The following PROCR variants were observed in gnomAD, a reference collection of about 807,000 sequenced individuals.
PROCR encodes the protein protein C receptor.
Under a neutral mutation model 24.2 loss-of-function variants are expected in PROCR, and 22 were observed. The observed-to-expected ratio is 0.91, with a 90% CI of 0.65 to 1.30. The LOEUF (loss-of-function observed/expected upper bound fraction) is 1.30. Ranked by LOEUF, PROCR falls within the 50% of genes most tolerant of loss-of-function variation. PROCR has a pLI of 0.00. For missense variants in PROCR, 288 were observed against 307.7 expected, an observed-to-expected ratio of 0.94 and a Z score of 0.48; for synonymous variants, 137 against 139.2, an observed-to-expected ratio of 0.98 and a Z score of 0.11.
At chr20:35,181,474 C>T (rs2086078900), downstream of PROCR, among the ~76,000 whole-genome samples, 2 of 151,962 alleles carry the variant, frequency 1.3e-5, no homozygotes. Flanking sequence ...GGGGTTTCAC[C>T]ATGTTGGTCA....
chr20:35,171,789 C>T (rs1187323244), upstream of PROCR, among the ~76,000 whole-genome samples: 3 of 152,058 alleles, frequency 2.0e-5, no homozygotes, highest in Non-Finnish European at 4.4e-5. Flanking sequence ...AGATGCCCCA[C>T]CCCCTGAGTC....
At chr20:35,213,319 C>G (rs1419992833) in intron 1 of PROCR, among the ~76,000 whole-genome samples, 1 of 150,690 alleles carries the variant, frequency 6.6e-6, no homozygotes, top group Middle Eastern at 3.2e-3. Flanking sequence ...GGTAACGGAG[C>G]GAGACTGTCT....
chr20:35,174,963 C>T lies in PROCR; in HGVS notation c.322+10C>T. ...GAGCGGACCTTGGCCTGTGAGTAGG[C>T]GCGCAGCGGGGGCGGGGTCTGGGCG... On this transcript the variant is annotated intron_variant, in intron 2 of 3. Transcript: ENST00000216968. 7.9e-7 allele frequency: 1 copy of T among 1,261,640 alleles called. No homozygotes were observed. The highest frequency in any genetic ancestry group is 1.0e-6 in the Non-Finnish European group (1 of 970,948). The allele number at this position is 1,261,640 out of a possible 1,614,324, so 78.2% of individuals were successfully genotyped here.
chr20:35,176,053 C>A (rs2086012709), intron 2 of PROCR, 115 bp from the exon 3 acceptor site: 1 of 1,237,028 alleles, frequency 8.1e-7, no homozygotes, highest in African/African-American at 1.5e-5. Context: ...CCTAGACTCC[C>A]CTCTCCTCAC....
intron 1 of PROCR, among the ~76,000 whole-genome samples, chr20:35,203,586 CAGCCTG>C (rs1291306727): frequency 6.7e-6 from 1 of 149,588 alleles, no homozygotes; most frequent in Non-Finnish European, 1.5e-5. Context: ...CACTGCACTC[CAGCCTG>C]GGTAACAGAA....
At chr20:35,173,175 T>C (rs1379112131) in intron 1 of PROCR, among the ~76,000 whole-genome samples, 1 of 152,136 alleles carries the variant, frequency 6.6e-6, no homozygotes, top group African/African-American at 2.4e-5. Context: ...GCATCAACTC[T>C]GTGCCAGCCT....
chr20:35,176,971 G>A lies in PROCR; in HGVS notation c.*158G>A. ...ATCTGCCCACTGAAGATTTGAGGGA[G>A]GGGAGATGGAGAGGAGAGGTGGACA... On this transcript the variant is annotated 3_prime_UTR_variant, in exon 4 of 4. Transcript: ENST00000216968. 5 of 1,496,788 alleles carry A rather than the reference G, an allele frequency of 3.3e-6. No homozygotes were observed. Among genetic ancestry groups the A allele is most frequent in the Non-Finnish European group, 4.5e-6 (5 of 1,121,982 alleles). 92.7% of individuals were successfully genotyped at this position (1,496,788 alleles called of 1,614,324 possible). A position where few individuals can be genotyped will look rare whatever the true frequency, so the allele number is the denominator to read the frequency against.
At chr20:35,208,938 C>G (rs997142608) in intron 1 of PROCR, among the ~76,000 whole-genome samples, 1 of 152,192 alleles carries the variant, frequency 6.6e-6, no homozygotes, top group Non-Finnish European at 1.5e-5. Context: ...CACCACTGCA[C>G]TCCAGCCTGG....
chr20:35,182,842 C>A (rs1413250958), intron 1 of PROCR, among the ~76,000 whole-genome samples: 1 of 151,996 alleles, frequency 6.6e-6, no homozygotes, highest in Non-Finnish European at 1.5e-5. Flanking sequence ...GGCATGGTGG[C>A]ACGTGCCTGT....
chr20:35,197,292 G>A (rs1323022562), intron 1 of PROCR, among the ~76,000 whole-genome samples: 2 of 152,142 alleles, frequency 1.3e-5, no homozygotes, highest in Non-Finnish European at 2.9e-5. Flanking sequence ...CTGATGTGGT[G>A]ATCTGTGATC....
chr20:35,174,799 C>A lies in PROCR; in HGVS notation c.168C>A (p.His56Gln). ...GNASLGGHLT[H>Q]VLEGPDTNTT... ...CGTCGCTGGGGGGACACCTAACGCACGTGCTGGAAGGCCCAGACACCAACA... is the reference window on the plus strand; with the variant it reads ...CGTCGCTGGGGGGACACCTAACGCAAGTGCTGGAAGGCCCAGACACCAACA... Residue 56 changes from histidine to glutamine, a missense_variant, in exon 2 of 4, where the codon CAC (histidine) becomes CAA (glutamine). By Grantham distance (24) the His-to-Gln change is conservative. Transcript: ENST00000216968. 6.2e-7 allele frequency: 1 copy of A among 1,614,066 alleles called. No individual in the cohort carries two copies. Among genetic ancestry groups the A allele is most frequent in the Non-Finnish European group, 8.5e-7 (1 of 1,179,990 alleles).
At chr20:35,212,380 G>A (rs1168552537) in intron 1 of PROCR, among the ~76,000 whole-genome samples, 1 of 152,118 alleles carries the variant, frequency 6.6e-6, no homozygotes, top group Non-Finnish European at 1.5e-5. Flanking sequence ...TTGTTTTAAT[G>A]TTCTGCTGTC....
At chr20:35,172,351 A>G (rs1600731713) in intron 1 of PROCR, 127 bp downstream of exon 1, 1 of 1,196,766 alleles carries the variant, frequency 8.4e-7, no homozygotes, top group East Asian at 2.4e-5. Flanking sequence ...AGATCTCTCT[A>G]CAGGGCAGGC....
intron 1 of PROCR, among the ~76,000 whole-genome samples, chr20:35,212,675 GGTGTTTT>G (rs2060366819): frequency 1.3e-5 from 2 of 152,146 alleles, no homozygotes; most frequent in South Asian, 4.1e-4. Context: ...GGTTGATTTT[GGTGTTTT>G]GTAATTACAA....
intron 2 of PROCR, among the ~76,000 whole-genome samples, chr20:35,175,746 G>T (rs1360427278): frequency 6.6e-6 from 1 of 151,502 alleles, no homozygotes; most frequent in African/African-American, 2.4e-5. Context: ...CACCACGCCC[G>T]GCTAATTTTT....
chr20:35,198,924 C>T (rs2146170857), intron 1 of PROCR, among the ~76,000 whole-genome samples: 1 of 152,256 alleles, frequency 6.6e-6, no homozygotes, highest in African/African-American at 2.4e-5. Context: ...CCATGCTGAC[C>T]AGGCTGGTCT....
intron 1 of PROCR, among the ~76,000 whole-genome samples, chr20:35,204,755 T>TA (rs1271139067): frequency 2.0e-5 from 3 of 149,298 alleles, no homozygotes; most frequent in Non-Finnish European, 4.5e-5. Flanking sequence ...TTCCAGAAAA[T>TA]CAAAAAAACT....
chr20:35,175,021 G>T (rs2085996814), intron 2 of PROCR, 68 bp downstream of exon 2: 5 of 1,125,748 alleles, frequency 4.4e-6, no homozygotes, highest in Middle Eastern at 3.2e-4. Flanking sequence ...GCGGGTGGGG[G>T]CGGGGCCTGG....
At chr20:35,182,502 ATGTT>A (rs965091640) in intron 1 of PROCR, among the ~76,000 whole-genome samples, 3 of 152,228 alleles carry the variant, frequency 2.0e-5, no homozygotes, top group African/African-American at 7.2e-5. Context: ...CGTTTAATAA[ATGTT>A]TGTCAGAAAC....
Sources: gnomAD v4.1 joint callset for allele counts (sites outside exome capture counted in the v4.1 genomes callset) on GRCh38, gnomAD v4.1.1 for gene constraint, MANE v1.5 for transcripts, NCBI Gene and HGNC (gene_info 2026-07-23, HGNC 2026-07-21) for gene names.